Variants in ITFG2 observed in about 807,000 individuals in gnomAD.
The protein encoded by ITFG2 is integrin alpha FG-GAP repeat containing 2.
Under a neutral mutation model 54.4 loss-of-function variants are expected in ITFG2, and 36 were observed. That is an observed-to-expected ratio of 0.66 (90% CI 0.51 to 0.87). ITFG2 has a LOEUF of 0.87. ITFG2 is among the 40% of genes least tolerant of loss of function. ITFG2 has a pLI of 0.00. For missense variants in ITFG2, 524 were observed against 576.7 expected, an observed-to-expected ratio of 0.91 and a Z score of 0.94; for synonymous variants, 211 against 225.4, an observed-to-expected ratio of 0.94 and a Z score of 0.57.
chr12:2,826,912 G>T, downstream of ITFG2: 1 of 1,127,664 alleles, frequency 8.9e-7, no homozygotes, highest in Non-Finnish European at 1.1e-6. Context: ...ACCCCATTGT[G>T]CTTAGGTTCC....
At chr12:2,822,459 T>C (rs2097948764) in intron 9 of ITFG2, among the ~76,000 whole-genome samples, 1 of 152,232 alleles carries the variant, frequency 6.6e-6, no homozygotes, top group Admixed American at 6.5e-5. Flanking sequence ...AATATCACTG[T>C]GGCCCCTGAA....
Position 2,822,837 on chromosome 12 carries a change from A to G in ITFG2, c.992A>G (p.Gln331Arg). 1 of 1,614,194 alleles carries G rather than the reference A, an allele frequency of 6.2e-7. No homozygotes were observed. Among genetic ancestry groups the G allele is most frequent in the Non-Finnish European group, 8.5e-7 (1 of 1,180,038 alleles). Residue 331 changes from glutamine to arginine, a missense_variant, in exon 10 of 12, where the codon CAG becomes CGG. Transcript: ENST00000228799. ...EEVVACAWDG[Q>R]TYIIDHNRTV... ...GTAGTTGCATGCGCCTGGGATGGACAGACATATATCATTGATCACAACCGC... is the reference window on the plus strand; with the variant it reads ...GTAGTTGCATGCGCCTGGGATGGACGGACATATATCATTGATCACAACCGC...
intron 2 of ITFG2, chr12:2,856,973 C>T (rs1603496600): frequency 7.1e-6 from 5 of 702,922 alleles, no homozygotes; most frequent in Admixed American, 2.0e-5. Context: ...AAGGTTCTTC[C>T]ATATGAGATG....
intron 9 of ITFG2, 121 bp downstream of exon 9, chr12:2,821,913 G>T: frequency 2.6e-5 from 17 of 647,956 alleles, no homozygotes; most frequent in Non-Finnish European, 3.8e-5. Context: ...TTTAGTCTCT[G>T]TCTCTTTTTT....
chr12:2,827,311 A>G, downstream of ITFG2: 1 of 1,610,768 alleles, frequency 6.2e-7, no homozygotes, highest in Non-Finnish European at 8.5e-7. The surrounding 1 kb of genome is among the most constrained non-coding windows in gnomAD (Gnocchi z 4.0). Flanking sequence ...TGCGGGGTGT[A>G]GAGCAGTCAT....
chr12:2,827,169 G>A (rs772293491), downstream of ITFG2: 10 of 1,613,634 alleles, frequency 6.2e-6, 1 homozygote, highest in South Asian at 1.1e-4. This position sits in a 1 kb window ranked among gnomAD's most constrained non-coding sequence, Gnocchi z 4.0. Context: ...TTCTTCTAAG[G>A]CAAGGTCTTT....
chr12:2,837,200 G>A (rs1052666636), intron 1 of ITFG2, among the ~76,000 whole-genome samples: 2 of 152,072 alleles, frequency 1.3e-5, no homozygotes, highest in Non-Finnish European at 2.9e-5. Context: ...GGGCATGGCC[G>A]GGCGCGGTGG....
intron 1 of ITFG2, among the ~76,000 whole-genome samples, chr12:2,838,313 G>A (rs1296975619): frequency 6.6e-6 from 1 of 152,178 alleles, no homozygotes; most frequent in Admixed American, 6.5e-5. Context: ...AAATTCTTCA[G>A]CATCTTCAAG....
At position 2,817,486 on chromosome 12, in the gene ITFG2, T is replaced by G. The variant is rs1030066153; in HGVS notation, c.192+168T>G. 3 of 596,364 alleles carry G rather than the reference T, an allele frequency of 5.0e-6. No individual in the cohort carries two copies. The Admixed American group carries it at 8.8e-5, about 17-fold the overall frequency. 36.9% of individuals were successfully genotyped at this position (596,364 alleles called of 1,614,324 possible). A position where few individuals can be genotyped will look rare whatever the true frequency, so the allele number is the denominator to read the frequency against. On this transcript the variant is annotated intron_variant, in intron 2 of 11. Coordinates refer to ENST00000228799, the MANE Select transcript of ITFG2 (RefSeq NM_018463.4). The stretch of plus-strand genomic sequence containing the variant: ...TGATTCAGGGAGGGCAGCCCCCAGC[T>G]AGTGCTCCCATCTGTCCTCACACAC...
intron 1 of ITFG2, among the ~76,000 whole-genome samples, chr12:2,837,253 G>A (rs577046195): frequency 7.0e-4 from 106 of 152,244 alleles, no homozygotes; most frequent in Middle Eastern, 3.4e-3. Context: ...CGAGGCAGGC[G>A]GATCACGAGG....
At chr12:2,859,448 G>A in intron 3 of ITFG2, 1 of 1,613,998 alleles carries the variant, frequency 6.2e-7, no homozygotes, top group Non-Finnish European at 8.5e-7. Context: ...ATTCCTCTTT[G>A]AAAGATGGGG....
At chr12:2,831,882 C>T (rs1305116319), upstream of ITFG2, among the ~76,000 whole-genome samples, 2 of 152,162 alleles carry the variant, frequency 1.3e-5, no homozygotes, top group African/African-American at 4.8e-5. Context: ...AAAGCATATG[C>T]CACAGTACCT....
intron 9 of ITFG2, among the ~76,000 whole-genome samples, chr12:2,822,340 G>A (rs576281649): frequency 4.6e-5 from 7 of 152,312 alleles, no homozygotes; most frequent in Admixed American, 1.3e-4. Flanking sequence ...TTCAGCAGAA[G>A]TAGTAGCCCC....
chr12:2,822,824 G>A lies in ITFG2; in HGVS notation c.979G>A (p.Ala327Thr), dbSNP rs777770184. 7 of 1,614,156 alleles carry A rather than the reference G, an allele frequency of 4.3e-6. No homozygotes were observed. The highest frequency in any genetic ancestry group is 2.2e-5 in the East Asian group (1 of 44,882). Residue 327 changes from alanine to threonine, a missense_variant, in exon 10 of 12, where the codon GCC becomes ACC. Ala to Thr is a moderately conservative substitution (Grantham distance 58). Coordinates refer to ENST00000228799, the MANE Select transcript of ITFG2 (RefSeq NM_018463.4). ...GNGHEEVVAC[A>T]WDGQTYIIDH... ...CGGGCATGAGGAGGTAGTTGCATGC[G>A]CCTGGGATGGACAGACATATATCAT... is the stretch of plus-strand genomic sequence containing the variant.
At chr12:2,844,116 G>A (rs1368238620) in intron 2 of ITFG2, among the ~76,000 whole-genome samples, 1 of 149,752 alleles carries the variant, frequency 6.7e-6, no homozygotes, top group Admixed American at 6.7e-5. Flanking sequence ...AAAATAGCCA[G>A]GCATGGTGGC....
At chr12:2,859,320 T>C (rs1565461227) in intron 3 of ITFG2, 1 of 1,613,426 alleles carries the variant, frequency 6.2e-7, no homozygotes. Context: ...CTCCCTCCTC[T>C]CCCTGTGTTG....
exon 4 of ITFG2, chr12:2,859,711 C>A (rs759277605): frequency 1.4e-6 from 2 of 1,424,538 alleles, no homozygotes; most frequent in Non-Finnish European, 1.9e-6. Context: ...CCAGACAGGA[C>A]GCACAAAAAT....
exon 4 of ITFG2, chr12:2,859,711 C>T (rs759277605): frequency 1.7e-5 from 24 of 1,424,536 alleles, no homozygotes; most frequent in Admixed American, 8.4e-5. Flanking sequence ...CCAGACAGGA[C>T]GCACAAAAAT....
chr12:2,812,876 A>C lies in ITFG2; in HGVS notation c.96+20A>C, dbSNP rs748936879. ...GATACGGTAGGTGCATGCGCACCGC[A>C]AGAGACAGCCTGGATCTGTGCAGGG... On this transcript the variant is annotated intron_variant, in intron 1 of 11. Transcript: ENST00000228799. The C allele has an allele frequency of 2.5e-6, 4 of 1,589,086 alleles. No homozygotes were observed. In the African/African-American group the frequency reaches 5.4e-5, roughly 21 times the overall value.
Sources: allele counts gnomAD v4.1 joint callset (sites outside exome capture counted in the v4.1 genomes callset), GRCh38; gene constraint gnomAD v4.1.1; non-coding constraint Gnocchi (gnomAD v3.1); transcripts MANE v1.5; gene names NCBI Gene and HGNC (gene_info 2026-07-23, HGNC 2026-07-21).